GALC: variants seen among roughly 807,000 people sequenced by gnomAD.
The protein encoded by GALC is galactocerebrosidase.
In GALC, 77 loss-of-function variants were observed where a neutral mutation model predicts 91.8. The observed-to-expected ratio is 0.84, with a 90% confidence interval of 0.70 to 1.01. The LOEUF (loss-of-function observed/expected upper bound fraction) is 1.01. Ranked by LOEUF, GALC falls within the 50% of genes least tolerant of loss-of-function variation. The pLI is 0.00. For synonymous variants in GALC, 357 were observed against 306.7 expected, an observed-to-expected ratio of 1.16 and a Z score of -1.71; for missense variants, 882 against 855.9, an observed-to-expected ratio of 1.03 and a Z score of -0.38.
chr14:87,952,644 GA>G, intron 10 of GALC: 1 of 1,542,298 alleles, frequency 6.5e-7, no homozygotes, highest in Non-Finnish European at 8.9e-7. Flanking sequence ...TCTGAAGGAT[GA>G]AAAACAGCAC....
At chr14:87,984,269 C>T (rs1451684354) in intron 5 of GALC, 125 bp downstream of exon 5, 6 of 886,710 alleles carry the variant, frequency 6.8e-6, no homozygotes, top group Non-Finnish European at 1.0e-5. Flanking sequence ...TATTATCAGA[C>T]ACCATTAGAA....
intron 4 of GALC, 71 bp from the exon 5 acceptor site, chr14:87,984,604 A>T (rs1595236846): frequency 3.9e-6 from 6 of 1,540,148 alleles, no homozygotes; most frequent in East Asian, 4.6e-5. Flanking sequence ...AATAAAACAA[A>T]TTTTTTTTAA....
At chr14:87,978,825 CAAA>C (rs575209127) in intron 6 of GALC, among the ~76,000 whole-genome samples, 1 of 112,372 alleles carries the variant, frequency 8.9e-6, no homozygotes, top group African/African-American at 3.3e-5. Context: ...ATATCAGTAG[CAAA>C]AAAAAAAAAA....
chr14:87,993,453 A>G, upstream of GALC: 1 of 1,535,864 alleles, frequency 6.5e-7, no homozygotes, highest in East Asian at 2.4e-5. Flanking sequence ...AAGGTCCGCC[A>G]AAGGAAGAGG....
At chr14:87,947,306 T>C (rs987096966) in intron 13 of GALC, among the ~76,000 whole-genome samples, 1 of 151,596 alleles carries the variant, frequency 6.6e-6, no homozygotes, top group African/African-American at 2.4e-5. Flanking sequence ...TGGTATATAA[T>C]GAGTTGGATC....
chr14:87,964,345 C>T (rs1885941215), intron 9 of GALC, among the ~76,000 whole-genome samples: 1 of 151,952 alleles, frequency 6.6e-6, no homozygotes, highest in African/African-American at 2.4e-5. Flanking sequence ...AAAATAAAAA[C>T]AAATTCACTC....
At position 87,988,449 on chromosome 14, in the gene GALC, C is replaced by T; in HGVS notation, c.264+6G>A. On this transcript the variant is annotated splice_donor_region_variant and intron_variant, in intron 2 of 16. Coordinates refer to ENST00000261304, the MANE Select transcript of GALC (RefSeq NM_000153.4). ...AGGTACCATGAAATAATTATGTTTT[C>T]ATTACCTTAAAGAGATAATCCAATA... 6.4e-7 allele frequency: 1 copy of T among 1,564,270 alleles called. No homozygotes were observed. The highest frequency in any genetic ancestry group is 1.1e-5 in the South Asian group (1 of 89,836).
At chr14:87,992,606 C>T in intron 1 of GALC, 2 of 1,450,168 alleles carry the variant, frequency 1.4e-6, no homozygotes, top group Non-Finnish European at 1.8e-6. Context: ...TCTGGAGCGA[C>T]GCTCCCCGAC....
Position 87,947,798 on chromosome 14 carries a change from G to T in GALC, c.1419C>A (p.Arg473=). The part of the protein sequence containing the change: ...LFTLTTLTTG[R]KGSYPLPPKS... ...TTGGAGGAAGCGGGTAGCTGCCTTT[G>T]CGACCAGTGGTGAGAGTGGTGAGTG... The change falls in exon 13 of 17, where the codon CGC becomes CGA. Residue 473 remains arginine (R), a synonymous_variant. Coordinates refer to ENST00000261304, the MANE Select transcript of GALC (RefSeq NM_000153.4). The T allele has an allele frequency of 6.2e-7, 1 of 1,612,924 alleles. No homozygotes were observed. The highest frequency in any genetic ancestry group is 8.5e-7 in the Non-Finnish European group (1 of 1,179,248).
intron 16 of GALC, among the ~76,000 whole-genome samples, chr14:87,939,181 AACC>A (rs1173451467): frequency 6.6e-6 from 1 of 151,930 alleles, no homozygotes; most frequent in Non-Finnish European, 1.5e-5. Context: ...GCTACATCCA[AACC>A]AAATCTTCAA....
chr14:87,956,618 ACAC>A (rs1191080141), intron 10 of GALC, among the ~76,000 whole-genome samples: 69 of 108,396 alleles, frequency 6.4e-4, no homozygotes, highest in African/African-American at 8.8e-4. Flanking sequence ...ACACACACAC[ACAC>A]CATATATATA....
intron 12 of GALC, 21 bp from the exon 13 acceptor site, chr14:87,947,899 G>C: frequency 6.2e-7 from 1 of 1,608,708 alleles, no homozygotes; most frequent in Non-Finnish European, 8.5e-7. Context: ...AGACACTACT[G>C]TATTCAGGAC....
intron 10 of GALC, chr14:87,954,676 C>T: frequency 5.7e-6 from 9 of 1,565,812 alleles, no homozygotes; most frequent in Non-Finnish European, 7.9e-6. Context: ...TAATTAAAGC[C>T]CAGATTTCAG....
intron 5 of GALC, among the ~76,000 whole-genome samples, chr14:87,984,148 A>AC (rs1595235906): frequency 6.6e-6 from 1 of 151,612 alleles, no homozygotes; most frequent in Admixed American, 6.6e-5. Context: ...AAAAAAAAAA[A>AC]AAAAACCCAG....
intron 1 of GALC, chr14:87,992,570 G>C: frequency 6.7e-7 from 1 of 1,493,138 alleles, no homozygotes. Flanking sequence ...TTTCGCACAC[G>C]GACGCTCCCG....
At chr14:87,953,652 C>T in intron 10 of GALC, 1 of 1,609,414 alleles carries the variant, frequency 6.2e-7, no homozygotes, top group South Asian at 1.1e-5. Context: ...ATAAAGTGGG[C>T]CAGTCTGAAG....
At chr14:87,940,063 G>T in intron 15 of GALC, 82 bp from the exon 16 acceptor site, 1 of 1,045,392 alleles carries the variant, frequency 9.6e-7, no homozygotes, top group South Asian at 1.3e-5. Flanking sequence ...GGGTTCTTGA[G>T]TGGCATCTGT....
At position 87,950,022 on chromosome 14, in the gene GALC, T is replaced by C. The variant is rs1456330168; in HGVS notation, c.1252-91A>G. 9.5e-6 allele frequency: 7 copies of C among 733,714 alleles called. No individual in the cohort carries two copies. In the East Asian group the frequency reaches 1.5e-4, roughly 16 times the overall value. 45.5% of individuals were successfully genotyped at this position (733,714 alleles called of 1,614,324 possible). On this transcript the variant is annotated intron_variant, in intron 11 of 16. Coordinates refer to ENST00000261304, the MANE Select transcript of GALC (RefSeq NM_000153.4). The stretch of plus-strand genomic sequence containing the variant: ...ATCAGTACCAGCAAGAATGTACCAA[T>C]GACAATATTATCTCTATTTATCAAG...
At chr14:87,988,384 T>C (rs758112760) in intron 2 of GALC, 71 bp downstream of exon 2, 18 of 1,293,344 alleles carry the variant, frequency 1.4e-5, no homozygotes, top group Non-Finnish European at 1.9e-5. Flanking sequence ...GGCTAATAAA[T>C]TCTATGGTGA....
Sources: allele counts gnomAD v4.1 joint callset (sites outside exome capture counted in the v4.1 genomes callset), GRCh38; gene constraint gnomAD v4.1.1; transcripts MANE v1.5; gene names NCBI Gene and HGNC (gene_info 2026-07-23, HGNC 2026-07-21).